The following CFTR variants were observed in gnomAD, a reference collection of about 807,000 sequenced individuals.
CFTR encodes the protein CF transmembrane conductance regulator.
CFTR carries 181 observed loss-of-function variants against 171.6 expected under a neutral mutation model. That is an observed-to-expected ratio of 1.05 (90% CI 0.93 to 1.19). The LOEUF is 1.19. Among genes scored for constraint, CFTR ranks in the 50% most tolerant of loss-of-function variants. CFTR has a pLI of 0.00. For synonymous variants in CFTR, 583 were observed against 608.0 expected, an observed-to-expected ratio of 0.96 and a Z score of 0.60; for missense variants, 1,968 against 1,734.7, an observed-to-expected ratio of 1.13 and a Z score of -2.39.
rs369949496 is a variant in CFTR at position 117,508,984 on chromosome 7, A to C, written c.165-50A>C. 5.6e-5 allele frequency: 63 copies of C among 1,133,834 alleles called. No individual in the cohort carries two copies. The South Asian group carries it at 7.0e-4, about 13-fold the overall frequency. 70.2% of individuals were successfully genotyped at this position (1,133,834 alleles called of 1,614,324 possible). ...CTATGTTAAGGGAAATAGGACAACT[A>C]AAATATTTGCACATGCAACTTATTG... On this transcript the variant is annotated intron_variant, in intron 2 of 26. Coordinates refer to ENST00000003084, the MANE Select transcript of CFTR (RefSeq NM_000492.4).
At position 117,480,129 on chromosome 7, in the gene CFTR, T is replaced by C. The variant is rs754221223; in HGVS notation, c.35T>C (p.Val12Ala). 1.6e-5 allele frequency: 26 copies of C among 1,613,644 alleles called. No individual in the cohort carries two copies. The South Asian group carries it at 2.9e-4, about 18-fold the overall frequency. ...QRSPLEKASV[V>A]SKLFFSWTRP... ...TCGCCTCTGGAAAAGGCCAGCGTTG[T>C]CTCCAAACTTTTTTTCAGGTGAGAA... is the stretch of plus-strand genomic sequence containing the variant. The change falls in exon 1 of 27, where the codon GTC becomes GCC. Residue 12 changes from valine (V) to alanine (A), a missense_variant. Physicochemically the swap from Val to Ala is moderately conservative, Grantham distance 64. Transcript: ENST00000003084.
chr7:117,591,604 A>T (rs1792024274), intron 13 of CFTR, among the ~76,000 whole-genome samples: 1 of 152,138 alleles, frequency 6.6e-6, no homozygotes, highest in Non-Finnish European at 1.5e-5. Flanking sequence ...AGATCATCTA[A>T]TAATTTCCTC....
At chr7:117,599,147 A>G (rs1055362501) in intron 15 of CFTR, among the ~76,000 whole-genome samples, 15 of 152,230 alleles carry the variant, frequency 9.9e-5, no homozygotes, top group Non-Finnish European at 2.1e-4. Flanking sequence ...AATGTCTGCC[A>G]GTCATGCCAA....
At chr7:117,534,676 G>A (rs1343634905) in intron 5 of CFTR, among the ~76,000 whole-genome samples, 1 of 152,146 alleles carries the variant, frequency 6.6e-6, no homozygotes, top group Non-Finnish European at 1.5e-5. Flanking sequence ...TGATACCTGA[G>A]CAATTCTTGT....
rs1798381304 is a variant in CFTR at position 117,504,370 on chromosome 7, T to A, written c.164+7T>A. Reference sequence around the variant, plus strand: ...TATCTGAAAAATTGGAAAGGTATGTTCATGTACATTGTTTAGTTGAAGAGA... The same window carrying A: ...TATCTGAAAAATTGGAAAGGTATGTACATGTACATTGTTTAGTTGAAGAGA... On this transcript the variant is annotated splice_region_variant and intron_variant, in intron 2 of 26. Coordinates refer to ENST00000003084, the MANE Select transcript of CFTR (RefSeq NM_000492.4). The A allele has an allele frequency of 7.6e-7, 1 of 1,315,768 alleles. No homozygotes were observed. The highest frequency in any genetic ancestry group is 1.4e-5 in the African/African-American group (1 of 69,192). 81.5% of individuals were successfully genotyped at this position (1,315,768 alleles called of 1,614,324 possible).
At chr7:117,507,666 G>T (rs1030769116) in intron 2 of CFTR, among the ~76,000 whole-genome samples, 2 of 152,202 alleles carry the variant, frequency 1.3e-5, no homozygotes, top group African/African-American at 2.4e-5. Flanking sequence ...ATGGGAAAAG[G>T]TAATTAGGCT....
chr7:117,500,863 G>A (rs1369402995), intron 1 of CFTR, among the ~76,000 whole-genome samples: 1 of 152,096 alleles, frequency 6.6e-6, no homozygotes, highest in Non-Finnish European at 1.5e-5. Context: ...CTAGGCTATG[G>A]CATTCTTGCT....
intron 10 of CFTR, among the ~76,000 whole-genome samples, chr7:117,555,832 G>A (rs1799343582): frequency 6.6e-6 from 1 of 152,184 alleles, no homozygotes; most frequent in African/African-American, 2.4e-5. Context: ...TATGAAATAT[G>A]TGTTAATTGA....
intron 11 of CFTR, among the ~76,000 whole-genome samples, chr7:117,582,795 A>C (rs1403033645): frequency 1.3e-5 from 2 of 152,140 alleles, no homozygotes; most frequent in African/African-American, 4.8e-5. Flanking sequence ...TTCTTAAAGC[A>C]TTTTCTCCTT....
intron 21 of CFTR, among the ~76,000 whole-genome samples, chr7:117,627,255 G>A (rs1454130386): frequency 6.6e-6 from 1 of 152,006 alleles, no homozygotes; most frequent in Non-Finnish European, 1.5e-5. Flanking sequence ...CTATTCCCTT[G>A]TGTGGCTTAC....
intron 5 of CFTR, 74 bp downstream of exon 5, chr7:117,534,439 G>A: frequency 1.2e-6 from 1 of 830,992 alleles, no homozygotes; most frequent in Non-Finnish European, 2.1e-6. Context: ...GAGTTTTCCT[G>A]GGTCAGATAA....
chr7:117,563,498 AT>A (rs1211724676), intron 11 of CFTR, among the ~76,000 whole-genome samples: 2 of 151,448 alleles, frequency 1.3e-5, no homozygotes, highest in Admixed American at 1.3e-4. Flanking sequence ...GGAAAGAGTG[AT>A]TTTTTTTCTT....
chr7:117,629,242 G>A (rs1390542546), intron 22 of CFTR, among the ~76,000 whole-genome samples: 1 of 152,110 alleles, frequency 6.6e-6, no homozygotes, highest in Admixed American at 6.6e-5. Context: ...GGTACTTTGG[G>A]GGAATTGGAA....
chr7:117,612,007 A>ATATATATATATATG (rs2116086452), intron 20 of CFTR, among the ~76,000 whole-genome samples, 199 bp downstream of exon 20: 1 of 70,320 alleles, frequency 1.4e-5, no homozygotes, highest in South Asian at 4.3e-4. Context: ...TTGAAATCGG[A>ATATATATATATATG]TATATATATA....
rs1792035121 is a variant in CFTR at position 117,592,096 on chromosome 7, A to G, written c.1929A>G (p.Lys643=). 1 of 1,613,782 alleles carries G rather than the reference A, an allele frequency of 6.2e-7. No homozygotes were observed. The highest frequency in any genetic ancestry group is 8.5e-7 in the Non-Finnish European group (1 of 1,179,952). The change falls in exon 14 of 27, where the codon AAA becomes AAG. Residue 643 remains lysine, a synonymous_variant. Transcript: ENST00000003084. ...ATCTACAGCCAGACTTTAGCTCAAA[A>G]CTCATGGGATGTGATTCTTTCGACC... ...LQNLQPDFSS[K]LMGCDSFDQF...
chr7:117,594,878 G>A, intron 14 of CFTR, 52 bp from the exon 15 acceptor site: 6 of 1,568,838 alleles, frequency 3.8e-6, no homozygotes, highest in Non-Finnish European at 5.3e-6. Flanking sequence ...AACCACAATG[G>A]TGGCATGAAA....
chr7:117,497,735 A>G (rs530929846), intron 1 of CFTR, among the ~76,000 whole-genome samples: 1 of 152,314 alleles, frequency 6.6e-6, no homozygotes, highest in East Asian at 1.9e-4. Flanking sequence ...AGAAAAAGTG[A>G]TTTTATAGAA....
chr7:117,533,961 C>G (rs1798904288), intron 4 of CFTR, among the ~76,000 whole-genome samples: 2 of 151,930 alleles, frequency 1.3e-5, no homozygotes, highest in Admixed American at 6.6e-5. Flanking sequence ...TCTTTTAAAA[C>G]AAAACAAAAA....
chr7:117,620,328 CA>C (rs1275920330), intron 21 of CFTR, among the ~76,000 whole-genome samples: 2 of 152,130 alleles, frequency 1.3e-5, no homozygotes, highest in African/African-American at 4.8e-5. Flanking sequence ...TAAAATGAAA[CA>C]GTTTGATGAG....
Sources: allele counts gnomAD v4.1 joint callset (sites outside exome capture counted in the v4.1 genomes callset), GRCh38; gene constraint gnomAD v4.1.1; transcripts MANE v1.5; gene names NCBI Gene and HGNC (gene_info 2026-07-23, HGNC 2026-07-21).